Variants in ALDH7A1 observed in about 807,000 individuals in gnomAD.
The protein encoded by ALDH7A1 is aldehyde dehydrogenase 7 family member A1, also known as alpha-aminoadipic semialdehyde dehydrogenase.
In ALDH7A1, 63 loss-of-function variants were observed where a neutral mutation model predicts 79.9. That is an observed-to-expected ratio of 0.79 (90% CI 0.64 to 0.97). The LOEUF is 0.97. ALDH7A1 is among the 50% of genes least tolerant of loss of function. The probability of loss-of-function intolerance (pLI) is 0.00; values close to 1 mark genes in which losing one functional copy is unlikely to be tolerated. For synonymous variants in ALDH7A1, 240 were observed against 231.2 expected (o/e 1.04, Z -0.34); for missense variants, 627 against 665.2 (o/e 0.94, Z 0.63).
intron 3 of ALDH7A1, among the ~76,000 whole-genome samples, chr5:126,591,574 T>C (rs369891534): frequency 2.1e-4 from 32 of 152,210 alleles, no homozygotes; most frequent in African/African-American, 7.7e-4. Context: ...GCTTTTCCTG[T>C]GCCAGGCTCT....
chr5:126,577,786 A>T (rs2112795464), intron 5 of ALDH7A1, among the ~76,000 whole-genome samples: 1 of 151,664 alleles, frequency 6.6e-6, no homozygotes, highest in East Asian at 2.0e-4. Flanking sequence ...GGCTGGTCTC[A>T]AACTCCTGAC....
intron 3 of ALDH7A1, chr5:126,587,787 G>A (rs1032020340): frequency 2.0e-5 from 3 of 152,100 alleles, no homozygotes; most frequent in South Asian, 2.1e-4. Flanking sequence ...CTTCTGTGAC[G>A]AGAAGGGGGT....
intron 9 of ALDH7A1, among the ~76,000 whole-genome samples, chr5:126,565,722 A>C (rs889745023): frequency 3.9e-5 from 6 of 152,182 alleles, no homozygotes; most frequent in Non-Finnish European, 7.4e-5. Flanking sequence ...TTTTCTTCTA[A>C]GAGTTTTATA....
chr5:126,577,278 A>G, intron 5 of ALDH7A1, 67 bp from the exon 6 acceptor site: 1 of 1,587,786 alleles, frequency 6.3e-7, no homozygotes. Flanking sequence ...GTTAATAAGA[A>G]CAAACGTACA....
intron 3 of ALDH7A1, chr5:126,584,302 A>C (rs555817374): frequency 2.5e-6 from 1 of 402,650 alleles, no homozygotes. Flanking sequence ...AAGGAAATAA[A>C]AAGGAAGCTG....
intron 12 of ALDH7A1, 199 bp from the exon 13 acceptor site, chr5:126,554,592 A>G (rs1750118139): frequency 3.3e-6 from 2 of 607,162 alleles, no homozygotes; most frequent in Non-Finnish European, 6.0e-6. Context: ...CTCCATCCCA[A>G]TACTCAACTC....
chr5:126,584,477 TG>T (rs1445633591), intron 3 of ALDH7A1: 2 of 185,568 alleles, frequency 1.1e-5, no homozygotes, highest in African/African-American at 4.8e-5. Context: ...CTGGGCAACA[TG>T]GTGAAACCCC....
rs770931075 is a variant in ALDH7A1, at chr5:126,575,469, A to G, written c.651-5T>C. ...GAAGTGGTTGGAGCTCCTTTCCTTA[A>G]GAAGGTTAAAACAAAAAAAGAAAAA... On this transcript the variant is annotated splice_polypyrimidine_tract_variant and splice_region_variant and intron_variant, in intron 6 of 17. Transcript: ENST00000409134. 1.9e-6 allele frequency: 3 copies of G among 1,611,386 alleles called. No individual in the cohort carries two copies. The Admixed American group carries it at 5.0e-5, about 27-fold the overall frequency.
intron 4 of ALDH7A1, among the ~76,000 whole-genome samples, chr5:126,583,273 G>A (rs1023646835): frequency 6.6e-6 from 1 of 152,036 alleles, no homozygotes; most frequent in Admixed American, 6.6e-5. Context: ...CTGAGGTCAG[G>A]AGTTCAAGAC....
chr5:126,556,130 T>C, intron 11 of ALDH7A1, 115 bp from the exon 12 acceptor site: 1 of 528,062 alleles, frequency 1.9e-6, no homozygotes, highest in Non-Finnish European at 3.2e-6. Context: ...TATAAGAAAA[T>C]CAAAGCATGT....
At chr5:126,591,126 A>T (rs1265768962) in intron 3 of ALDH7A1, among the ~76,000 whole-genome samples, 2 of 152,290 alleles carry the variant, frequency 1.3e-5, no homozygotes, top group East Asian at 3.9e-4. Flanking sequence ...TTTTCTAAAA[A>T]AAAAGAATAT....
intron 9 of ALDH7A1, among the ~76,000 whole-genome samples, chr5:126,567,543 G>A (rs777648424): frequency 2.0e-4 from 30 of 151,482 alleles, no homozygotes; most frequent in Non-Finnish European, 2.9e-4. Flanking sequence ...ACGCGATCTC[G>A]GCTCACTGCA....
rs954644626 is a variant in ALDH7A1, at chr5:126,568,084, G to C, written c.871+175C>G. Reference sequence around the variant, plus strand: ...CATAAATTTTGGTATTTAAATTTAGGACTTCCCTAATATTCTACTGCTAAT... The same window carrying C: ...CATAAATTTTGGTATTTAAATTTAGCACTTCCCTAATATTCTACTGCTAAT... On this transcript the variant is annotated intron_variant, in intron 9 of 17. Coordinates refer to ENST00000409134, the MANE Select transcript of ALDH7A1 (RefSeq NM_001182.5). 13 of 622,724 alleles carry C rather than the reference G, an allele frequency of 2.1e-5. No homozygotes were observed. The South Asian group carries it at 2.4e-4, about 11-fold the overall frequency. The allele number at this position is 622,724 out of a possible 1,614,324, so 38.6% of individuals were successfully genotyped here.
At position 126,555,985 on chromosome 5, in the gene ALDH7A1, C is replaced by A; in HGVS notation, c.1039G>T (p.Val347Leu). 1 of 1,613,402 alleles carries A rather than the reference C, an allele frequency of 6.2e-7. No individual in the cohort carries two copies. Among genetic ancestry groups the A allele is most frequent in the South Asian group, 1.1e-5 (1 of 91,072 alleles). ...FIHESIHDEVVNRLKKAYAQI... is the reference protein window; with the variant it reads ...FIHESIHDEVLNRLKKAYAQI... Reference sequence around the variant, plus strand: ...GCATAGGCCTTTTTAAGTCTGTTTACAACCTCATCATGGATGCTTTCATGT... The same window carrying A: ...GCATAGGCCTTTTTAAGTCTGTTTAAAACCTCATCATGGATGCTTTCATGT... Residue 347 changes from valine to leucine, a missense_variant, in exon 12 of 18, where the codon GTA (valine) becomes TTA (leucine). Coordinates refer to ENST00000409134, the MANE Select transcript of ALDH7A1 (RefSeq NM_001182.5).
chr5:126,577,674 C>A (rs1012690544), intron 5 of ALDH7A1, among the ~76,000 whole-genome samples: 1 of 152,088 alleles, frequency 6.6e-6, no homozygotes, highest in African/African-American at 2.4e-5. Flanking sequence ...TCAAGCAATC[C>A]TCGAGCCCCA....
chr5:126,581,892 C>A, intron 5 of ALDH7A1: 2 of 295,344 alleles, frequency 6.8e-6, no homozygotes, highest in Non-Finnish European at 1.2e-5. Context: ...GCAGAAGAAT[C>A]GCTTGAACCC....
intron 11 of ALDH7A1, among the ~76,000 whole-genome samples, chr5:126,558,205 C>G (rs969315584): frequency 9.6e-6 from 1 of 104,362 alleles, no homozygotes; most frequent in East Asian, 2.8e-4. Flanking sequence ...AAAAACAAAA[C>G]AAAAAAAACT....
intron 15 of ALDH7A1, 75 bp from the exon 16 acceptor site, chr5:126,550,077 A>C (rs1581357296): frequency 6.3e-7 from 1 of 1,575,812 alleles, no homozygotes; most frequent in East Asian, 2.2e-5. Context: ...AAAAAATCTA[A>C]ACCAAAGCTC....
At chr5:126,548,315 GT>G (rs1405563069) in intron 16 of ALDH7A1, among the ~76,000 whole-genome samples, 1 of 151,218 alleles carries the variant, frequency 6.6e-6, no homozygotes, top group African/African-American at 2.4e-5. Flanking sequence ...CAACTGGCTA[GT>G]TTTTTTTAAT....
Sources: allele counts gnomAD v4.1 joint callset (sites outside exome capture counted in the v4.1 genomes callset), GRCh38; gene constraint gnomAD v4.1.1; transcripts MANE v1.5; gene names NCBI Gene and HGNC (gene_info 2026-07-23, HGNC 2026-07-21).